CTNND2: variants seen among roughly 807,000 people sequenced by gnomAD.
The protein encoded by CTNND2 is catenin delta 2.
Under a neutral mutation model 144.4 loss-of-function variants are expected in CTNND2, and 22 were observed. The observed-to-expected ratio is 0.15, with a 90% CI of 0.11 to 0.22. The LOEUF is 0.22. CTNND2 is among the 10% of genes least tolerant of loss of function. CTNND2 has a pLI of 1.00. For missense variants in CTNND2, 1,353 were observed against 1,618.8 expected (o/e 0.84, Z 2.82); for synonymous variants, 751 against 695.6 (o/e 1.08, Z -1.25).
intron 2 of CTNND2, among the ~76,000 whole-genome samples, chr5:11,597,859 G>A (rs899353985): frequency 1.2e-4 from 19 of 152,130 alleles, no homozygotes; most frequent in African/African-American, 4.6e-4. Context: ...ACGAAGCCTG[G>A]CTTGGAATAG....
intron 2 of CTNND2, among the ~76,000 whole-genome samples, chr5:11,674,574 A>G (rs10067236): frequency 0.21 from 31,764 of 152,174 alleles, 5,078 homozygotes; most frequent in African/African-American, 0.45. Flanking sequence ...GGTATTGTGC[A>G]TTCTATGGGT....
In CTNND2 at chr5:11,384,993, G is replaced by A. The variant is rs1033466462; in HGVS notation, c.849C>T (p.Gly283=). The part of the protein sequence containing the change: ...QGGSPTKLQR[G]GSAPEGATYA... ...AGGTGGCGCCCTCGGGGGCCGAGCCGCCGCGCTGCAGCTTGGTGGGCGAAC... is the reference window on the plus strand; with the variant it reads ...AGGTGGCGCCCTCGGGGGCCGAGCCACCGCGCTGCAGCTTGGTGGGCGAAC... Residue 283 remains glycine (G), a synonymous_variant, in exon 7 of 22, where the codon GGC becomes GGT. Transcript: ENST00000304623. The surrounding 1 kb of genome is among the most constrained non-coding windows in gnomAD (Gnocchi z 5.2). 7.9e-6 allele frequency: 12 copies of A among 1,513,640 alleles called. No homozygotes were observed. Among genetic ancestry groups the A allele is most frequent in the African/African-American group, 4.2e-5 (3 of 71,364 alleles). 93.8% of individuals were successfully genotyped at this position (1,513,640 alleles called of 1,614,324 possible). A position where few individuals can be genotyped will look rare whatever the true frequency, so the allele number is the denominator to read the frequency against.
intron 9 of CTNND2, among the ~76,000 whole-genome samples, chr5:11,246,380 A>T (rs1743001343): frequency 6.6e-6 from 1 of 152,102 alleles, no homozygotes; most frequent in African/African-American, 2.4e-5. Flanking sequence ...CTGAGTCAAA[A>T]GAGAGTGCCC....
At chr5:11,805,133 G>C (rs1445063299) in intron 1 of CTNND2, among the ~76,000 whole-genome samples, 1 of 152,100 alleles carries the variant, frequency 6.6e-6, no homozygotes, top group Admixed American at 6.5e-5. Flanking sequence ...GTTTGAGCCA[G>C]GTTTCTCATA....
At position 11,676,618 on chromosome 5, in the gene CTNND2, TAC is replaced by T. The variant is rs537081422; in HGVS notation, c.174+55516_174+55517del. 2.7e-3 allele frequency among the ~76,000 whole-genome samples: 408 copies of T among 151,584 alleles called. 2 individuals are homozygous for T. Among genetic ancestry groups the T allele is most frequent in the African/African-American group, 8.9e-3 (368 of 41,388 alleles). ...AAAGTTAAAAAAAAAAAAAAAGACA[TAC>T]ATTCTTCAGAGCTATTTTTTCAATA... On this transcript the variant is annotated intron_variant, in intron 2 of 21. Coordinates refer to ENST00000304623, the MANE Select transcript of CTNND2 (RefSeq NM_001332.4).
intron 8 of CTNND2, among the ~76,000 whole-genome samples, chr5:11,347,746 A>G (rs746458446): frequency 3.9e-5 from 6 of 152,224 alleles, no homozygotes; most frequent in Non-Finnish European, 7.3e-5. Context: ...CTAATTATCA[A>G]TTATACATCT....
chr5:11,550,626 T>A (rs1775669895), intron 3 of CTNND2, among the ~76,000 whole-genome samples: 1 of 152,178 alleles, frequency 6.6e-6, no homozygotes, highest in South Asian at 2.1e-4. Flanking sequence ...AACAAACAGA[T>A]GTGTGAGAAG....
chr5:11,799,245 T>C (rs1791555855), intron 1 of CTNND2, among the ~76,000 whole-genome samples: 1 of 152,214 alleles, frequency 6.6e-6, no homozygotes, highest in Admixed American at 6.5e-5. Context: ...ACTTCACTGG[T>C]GTAGTTTCCC....
intron 3 of CTNND2, among the ~76,000 whole-genome samples, chr5:11,476,035 T>C (rs13187013): frequency 0.018 from 1,920 of 104,180 alleles, 25 homozygotes; most frequent in Non-Finnish European, 0.03. Flanking sequence ...AATTTTTCTA[T>C]TTTTTTTTTT....
At chr5:11,537,806 C>G (rs1257696214) in intron 3 of CTNND2, among the ~76,000 whole-genome samples, 1 of 152,060 alleles carries the variant, frequency 6.6e-6, no homozygotes. Context: ...TATAAAAATA[C>G]AAGAAAAGCA....
chr5:11,702,692 T>C (rs1039648363), intron 2 of CTNND2, among the ~76,000 whole-genome samples: 1 of 152,240 alleles, frequency 6.6e-6, no homozygotes, highest in African/African-American at 2.4e-5. Flanking sequence ...TCTGGCTATC[T>C]GCTAATCCCT....
At chr5:11,228,004 C>G (rs1316411354) in intron 10 of CTNND2, among the ~76,000 whole-genome samples, 2 of 152,118 alleles carry the variant, frequency 1.3e-5, no homozygotes, top group African/African-American at 2.4e-5. Flanking sequence ...GGACTCTCGC[C>G]AGCTGTGGCT....
intron 1 of CTNND2, among the ~76,000 whole-genome samples, chr5:11,777,033 T>G (rs1192562972): frequency 6.6e-6 from 1 of 152,224 alleles, no homozygotes; most frequent in East Asian, 1.9e-4. Flanking sequence ...CTCATGTTAA[T>G]TAAGTAATTC....
chr5:11,870,941 AT>A (rs1169882721), intron 1 of CTNND2, among the ~76,000 whole-genome samples: 1 of 152,220 alleles, frequency 6.6e-6, no homozygotes, highest in African/African-American at 2.4e-5. Flanking sequence ...TCCCCCAAAA[AT>A]TCAAATGTTG....
intron 16 of CTNND2, among the ~76,000 whole-genome samples, chr5:11,049,776 A>G (rs973192064): frequency 7.9e-5 from 12 of 152,236 alleles, no homozygotes; most frequent in African/African-American, 2.7e-4. Flanking sequence ...AAAGCAACAT[A>G]AAAAGTGCTT....
At chr5:11,265,698 ATTTTTTT>A (rs5865929) in intron 9 of CTNND2, among the ~76,000 whole-genome samples, 176 of 77,434 alleles carry the variant, frequency 2.3e-3, no homozygotes, top group African/African-American at 7.6e-3. Context: ...TGTATTCTCT[ATTTTTTT>A]TTTTTTTTTT....
intron 8 of CTNND2, among the ~76,000 whole-genome samples, chr5:11,361,040 G>T (rs1339738884): frequency 3.9e-5 from 6 of 152,056 alleles, no homozygotes; most frequent in Non-Finnish European, 8.8e-5. Context: ...TATTTATTTA[G>T]ATGGAGTTTC....
At chr5:11,806,132 A>G (rs1427532677) in intron 1 of CTNND2, among the ~76,000 whole-genome samples, 2 of 152,148 alleles carry the variant, frequency 1.3e-5, no homozygotes, top group African/African-American at 4.8e-5. Context: ...ATTAGCTAAA[A>G]CCTAGGAAAG....
intron 1 of CTNND2, among the ~76,000 whole-genome samples, chr5:11,865,996 C>T (rs1397249546): frequency 2.0e-5 from 3 of 151,494 alleles, no homozygotes; most frequent in African/African-American, 7.3e-5. Flanking sequence ...CCACATAGAG[C>T]TTCAAACATA....
Sources: gnomAD v4.1 joint callset for allele counts (sites outside exome capture counted in the v4.1 genomes callset) on GRCh38, gnomAD v4.1.1 for gene constraint, Gnocchi (gnomAD v3.1) non-coding constraint, MANE v1.5 for transcripts, NCBI Gene and HGNC (gene_info 2026-07-23, HGNC 2026-07-21) for gene names.